The following ERMARD variants were observed in gnomAD, a reference collection of about 807,000 sequenced individuals.
ERMARD encodes endoplasmic reticulum membrane-associated RNA degradation protein.
A neutral mutation model predicts 83.9 loss-of-function variants in ERMARD; 71 were observed. The ratio of observed to expected loss-of-function variants is 0.85; its 90% CI spans 0.70 to 1.03. ERMARD has a LOEUF of 1.03. Among genes scored for constraint, ERMARD ranks in the 50% least tolerant of loss-of-function variants. The pLI is 0.00. For missense variants in ERMARD, 838 were observed against 810.9 expected (o/e 1.03, Z -0.41); for synonymous variants, 284 against 298.6 (o/e 0.95, Z 0.50).
In ERMARD at chr6:169,759,028, T is replaced by C. The variant is rs779471283; in HGVS notation, c.568T>C (p.Trp190Arg). The stretch of plus-strand genomic sequence containing the variant: ...TGGTCTCAACCTGCGTAACGTCTTA[T>C]GGCATGGGTTTGCGTCACCTGAAGA... ...PCGLNLRNVL[W>R]HGFASPEEIP... Residue 190 changes from tryptophan (W) to arginine (R), a missense_variant, in exon 6 of 18, where the codon TGG becomes CGG. Transcript: ENST00000366773. The C allele has an allele frequency of 1.2e-5, 19 of 1,613,986 alleles. No individual in the cohort carries two copies. In the East Asian group the frequency reaches 2.2e-4, roughly 19 times the overall value.
At chr6:169,752,044 A>G in intron 1 of ERMARD, 1 of 285,332 alleles carries the variant, frequency 3.5e-6, no homozygotes, top group Non-Finnish European at 6.5e-6. Flanking sequence ...CGCTGCCTGT[A>G]GGGTCCACAC....
upstream of ERMARD, chr6:169,751,319 C>G: frequency 6.2e-7 from 1 of 1,610,584 alleles, no homozygotes; most frequent in South Asian, 1.1e-5. Flanking sequence ...TCTCGGGCCC[C>G]TAGCAGTCTC....
intron 1 of ERMARD, among the ~76,000 whole-genome samples, 156 bp from the exon 2 acceptor site, chr6:169,753,708 C>G (rs1166314744): frequency 6.6e-6 from 1 of 152,028 alleles, no homozygotes; most frequent in East Asian, 1.9e-4. Context: ...TATTTAATCA[C>G]TATGTTTTAA....
Position 169,781,434 on chromosome 6 carries a change from T to G in ERMARD, c.1958T>G (p.Leu653Trp). The G allele has an allele frequency of 7.4e-6, 12 of 1,612,968 alleles. No homozygotes were observed. Among genetic ancestry groups the G allele is most frequent in the Non-Finnish European group, 1.0e-5 (12 of 1,179,664 alleles). The change falls in exon 18 of 18, where the codon TTG becomes TGG. Residue 653 changes from leucine to tryptophan, a missense_variant. Physicochemically the swap from Leu to Trp is moderately conservative, Grantham distance 61. Transcript: ENST00000366773. ...ATCAATCTTACACATACAGCTTTGT[T>G]GAAAATGTGGACTTTTAGTGAGAAG... ...ETINLTHTAL[L>W]KMWTFSEKKQ... is the part of the protein sequence containing the mutation.
At chr6:169,761,480 G>A (rs7764318) in intron 8 of ERMARD, among the ~76,000 whole-genome samples, 44,736 of 151,920 alleles carry the variant, frequency 0.29, 7,502 homozygotes, top group African/African-American at 0.45. Flanking sequence ...TCAGCCTCCC[G>A]AAGTGCTGGA....
rs1792620134 is a variant in ERMARD at position 169,769,458 on chromosome 6, C to CT, written c.1060-79dup. The CT allele has an allele frequency of 2.3e-5, 31 of 1,351,368 alleles. No individual in the cohort carries two copies. In the South Asian group the frequency reaches 4.6e-4, roughly 20 times the overall value. The allele number at this position is 1,351,368 out of a possible 1,614,324, so 83.7% of individuals were successfully genotyped here. On this transcript the variant is annotated intron_variant, in intron 11 of 17. Transcript: ENST00000366773. ...CTTCAGAGGACTTGATGGATGCACT[C>CT]TTTCCTTCTATTCAGCAACACCAGG...
intron 14 of ERMARD, 93 bp from the exon 15 acceptor site, chr6:169,775,847 C>G (rs988149908): frequency 7.0e-7 from 1 of 1,429,994 alleles, no homozygotes; most frequent in Non-Finnish European, 9.5e-7. Flanking sequence ...ACAGTCAGGT[C>G]GCTGCTCAGT....
intron 8 of ERMARD, among the ~76,000 whole-genome samples, chr6:169,761,744 G>A (rs1440669583): frequency 6.6e-6 from 1 of 152,140 alleles, no homozygotes; most frequent in African/African-American, 2.4e-5. Flanking sequence ...GTGCAGTGGT[G>A]TGATCTCAGC....
chr6:169,755,418 C>G lies in ERMARD; in HGVS notation c.311C>G (p.Pro104Arg). 1 of 1,614,042 alleles carries G rather than the reference C, an allele frequency of 6.2e-7. No individual in the cohort carries two copies. The highest frequency in any genetic ancestry group is 8.5e-7 in the Non-Finnish European group (1 of 1,180,000). Residue 104 changes from proline to arginine, a missense_variant, in exon 3 of 18, where the codon CCA becomes CGA. Coordinates refer to ENST00000366773, the MANE Select transcript of ERMARD (RefSeq NM_018341.3). ...CCGTGGTTCCAGTGGACAAGTTTTCCAGAGGTTTGGCTTTTGAACAACCTT... is the reference window on the plus strand; with the variant it reads ...CCGTGGTTCCAGTGGACAAGTTTTCGAGAGGTTTGGCTTTTGAACAACCTT... The part of the protein sequence containing the change: ...YAPWFQWTSF[P>R]ELFPEIFDAL...
intron 6 of ERMARD, 45 bp downstream of exon 6, chr6:169,759,110 A>G (rs1265922042): frequency 6.0e-6 from 9 of 1,499,630 alleles, no homozygotes; most frequent in Admixed American, 5.7e-5. Context: ...TGGATCTACC[A>G]AAGAGTTTTT....
At chr6:169,775,243 CA>C in intron 13 of ERMARD, 26 bp from the exon 14 acceptor site, 1 of 1,610,864 alleles carries the variant, frequency 6.2e-7, no homozygotes, top group Non-Finnish European at 8.5e-7. Context: ...GTGAAATCTA[CA>C]AAAGCAATAA....
At chr6:169,776,309 C>G in intron 15 of ERMARD, 146 bp from the exon 16 acceptor site, 2 of 1,551,992 alleles carry the variant, frequency 1.3e-6, no homozygotes. Flanking sequence ...TTAACACTTG[C>G]CGCGTGTCAC....
rs529536533 is a variant in ERMARD, at chr6:169,766,233, G to C, written c.961-405G>C. ...CGTGCCGATGATGCTGAGAAGCAGC[G>C]TGCATGAAATAAAATAAAAACAGAC... is the stretch of plus-strand genomic sequence containing the variant. On this transcript the variant is annotated intron_variant, in intron 9 of 17. Coordinates refer to ENST00000366773, the MANE Select transcript of ERMARD (RefSeq NM_018341.3). Among the ~76,000 whole-genome samples the C allele has an allele frequency of 4.6e-5, 7 of 152,334 alleles. No individual in the cohort carries two copies. In the South Asian group the frequency reaches 1.4e-3, roughly 32 times the overall value.
At position 169,773,349 on chromosome 6, in the gene ERMARD, C is replaced by G; in HGVS notation, c.1264C>G (p.Leu422Val). ...ATCAGCCGTAGAATTGTTGATTAGTCTTGCAGAAGGCTATAGTTCTCGCTG... is the reference window on the plus strand; with the variant it reads ...ATCAGCCGTAGAATTGTTGATTAGTGTTGCAGAAGGCTATAGTTCTCGCTG... Reference protein sequence around the residue: ...EKSAVELLISLAEGYSSRCHP... With the variant: ...EKSAVELLISVAEGYSSRCHP... Residue 422 changes from leucine to valine, a missense_variant, in exon 13 of 18, where the codon CTT (leucine) becomes GTT (valine). Leu to Val is a conservative substitution (Grantham distance 32, BLOSUM62 1). Transcript: ENST00000366773. 1 of 1,614,138 alleles carries G rather than the reference C, an allele frequency of 6.2e-7. No individual in the cohort carries two copies. The highest frequency in any genetic ancestry group is 1.3e-5 in the African/African-American group (1 of 75,040).
chr6:169,772,770 CAAA>C (rs60417475), intron 12 of ERMARD, among the ~76,000 whole-genome samples: 16,617 of 100,112 alleles, frequency 0.17, 1,037 homozygotes, highest in East Asian at 0.29. Context: ...GACTCTGTCT[CAAA>C]AAAAAAAAAA....
chr6:169,775,417 T>C, intron 14 of ERMARD, 71 bp downstream of exon 14: 3 of 1,528,256 alleles, frequency 2.0e-6, no homozygotes, highest in Non-Finnish European at 2.7e-6. Flanking sequence ...GCATTTCTTC[T>C]TTAACGAGGC....
chr6:169,761,840 G>A (rs1471660803), intron 8 of ERMARD, among the ~76,000 whole-genome samples: 4 of 151,872 alleles, frequency 2.6e-5, no homozygotes, highest in Non-Finnish European at 5.9e-5. Flanking sequence ...GCACCACCAC[G>A]CCTGGCTGAT....
intron 2 of ERMARD, among the ~76,000 whole-genome samples, chr6:169,754,471 G>A (rs1349169622): frequency 6.6e-6 from 1 of 152,130 alleles, no homozygotes; most frequent in Non-Finnish European, 1.5e-5. Context: ...AATTACAGAT[G>A]AACATACTCT....
intron 5 of ERMARD, among the ~76,000 whole-genome samples, chr6:169,757,204 A>G (rs1463739549): frequency 2.0e-5 from 3 of 152,192 alleles, no homozygotes; most frequent in Non-Finnish European, 2.9e-5. Flanking sequence ...GAGTAAGTGC[A>G]AAACAACAAT....
Sources: allele counts gnomAD v4.1 joint callset (sites outside exome capture counted in the v4.1 genomes callset), GRCh38; gene constraint gnomAD v4.1.1; transcripts MANE v1.5; gene names NCBI Gene and HGNC (gene_info 2026-07-23, HGNC 2026-07-21).